Variants in DESI2 observed in about 807,000 individuals in gnomAD.
DESI2 encodes the protein desumoylating isopeptidase 2, also known as deubiquitinase DESI2.
DESI2 carries 10 observed loss-of-function variants against 24.1 expected under a neutral mutation model. The ratio of observed to expected loss-of-function variants is 0.41; its 90% CI spans 0.26 to 0.70. The LOEUF is 0.70. DESI2 is among the 30% of genes least tolerant of loss of function. DESI2 has a pLI of 0.29. For missense variants in DESI2, 122 were observed against 234.9 expected (o/e 0.52, Z 3.14); for synonymous variants, 71 against 87.7 (o/e 0.81, Z 1.06).
chr1:244,692,401 G>A (rs1056578699), intron 4 of DESI2, among the ~76,000 whole-genome samples: 6 of 151,650 alleles, frequency 4.0e-5, no homozygotes, highest in African/African-American at 1.2e-4. Flanking sequence ...TAAGTAATTC[G>A]TGTCTTCCAT....
chr1:244,689,230 A>C lies in DESI2; in HGVS notation c.116-19A>C. 1 of 1,286,782 alleles carries C rather than the reference A, an allele frequency of 7.8e-7. No individual in the cohort carries two copies. The highest frequency in any genetic ancestry group is 2.3e-5 in the East Asian group (1 of 43,282). 79.7% of individuals were successfully genotyped at this position (1,286,782 alleles called of 1,614,324 possible). A position where few individuals can be genotyped will look rare whatever the true frequency, so the allele number is the denominator to read the frequency against. On this transcript the variant is annotated intron_variant, in intron 2 of 4. Transcript: ENST00000302550. The surrounding 1 kb of genome is among the most constrained non-coding windows in gnomAD (Gnocchi z 4.0). The stretch of plus-strand genomic sequence containing the variant: ...TTTTATGTGATACATACTAAAAATC[A>C]TGAGTTTTCTCTTTTCAGAATTTGC...
chr1:244,658,792 G>T (rs138077795), intron 1 of DESI2, among the ~76,000 whole-genome samples: 1 of 152,170 alleles, frequency 6.6e-6, no homozygotes, highest in Non-Finnish European at 1.5e-5. Context: ...TTGGACTAGG[G>T]TGTCCAGATG....
chr1:244,655,600 C>A (rs1263753715), intron 1 of DESI2, among the ~76,000 whole-genome samples: 1 of 152,098 alleles, frequency 6.6e-6, no homozygotes, highest in Admixed American at 6.5e-5. Flanking sequence ...GGCAACAATT[C>A]AAGACAGAAT....
chr1:244,653,898 C>G (rs1031548396), intron 1 of DESI2: 1 of 470,844 alleles, frequency 2.1e-6, no homozygotes, highest in Non-Finnish European at 4.4e-6. Context: ...CACACCCTTT[C>G]CTTGTGTGTT....
intron 1 of DESI2, among the ~76,000 whole-genome samples, chr1:244,682,697 C>T (rs966589757): frequency 3.3e-5 from 5 of 152,108 alleles, no homozygotes; most frequent in African/African-American, 7.2e-5. Context: ...ATAAAAGCCA[C>T]GCAGACAATT....
Position 244,709,005 on chromosome 1 carries a change from GATTT to G in DESI2, c.*3220_*3223del, listed in dbSNP as rs1487098971. The G allele has an allele frequency of 7.9e-5, 12 of 152,382 alleles. No individual in the cohort carries two copies. The highest frequency in any genetic ancestry group is 2.1e-4 in the South Asian group (1 of 4,828). The allele number at this position is 152,382 out of a possible 1,614,324, so 9.4% of individuals were successfully genotyped here. A position where few individuals can be genotyped will look rare whatever the true frequency, so the allele number is the denominator to read the frequency against. On this transcript the variant is annotated 3_prime_UTR_variant, in exon 5 of 5. Coordinates refer to ENST00000302550, the MANE Select transcript of DESI2 (RefSeq NM_016076.5). ...TCATGTTACAACATTGAAATACATTGATTTATTAAAAAATACTTTTATAAGAAAT... is the reference window on the plus strand; with the variant it reads ...TCATGTTACAACATTGAAATACATTGATTAAAAAATACTTTTATAAGAAAT...
chr1:244,699,101 G>A (rs1054125710), intron 4 of DESI2, among the ~76,000 whole-genome samples: 7 of 152,166 alleles, frequency 4.6e-5, no homozygotes, highest in Non-Finnish European at 7.3e-5. Flanking sequence ...ACACACCTTA[G>A]TAAGGCAGTT....
rs1677774705 is a variant in DESI2, at chr1:244,707,919, GC to G, written c.*2132del. On this transcript the variant is annotated 3_prime_UTR_variant, in exon 5 of 5. Transcript: ENST00000302550. ...GTTCTAGTAGAAATAGTGTCCTAAGGCCAATTACCTACCATACTAACAATCA... is the reference window on the plus strand; with the variant it reads ...GTTCTAGTAGAAATAGTGTCCTAAGGCAATTACCTACCATACTAACAATCA... The G allele has an allele frequency of 6.6e-6, 1 of 152,174 alleles. No individual in the cohort carries two copies. Among genetic ancestry groups the G allele is most frequent in the Non-Finnish European group, 1.5e-5 (1 of 68,028 alleles). 9.4% of individuals were successfully genotyped at this position (152,174 alleles called of 1,614,324 possible).
Position 244,708,910 on chromosome 1 carries a change from G to C in DESI2, c.*3121G>C, listed in dbSNP as rs1277641648. 3 of 152,532 alleles carry C rather than the reference G, an allele frequency of 2.0e-5. No individual in the cohort carries two copies. Among genetic ancestry groups the C allele is most frequent in the Non-Finnish European group, 4.4e-5 (3 of 68,030 alleles). 9.4% of individuals were successfully genotyped at this position (152,532 alleles called of 1,614,324 possible). On this transcript the variant is annotated 3_prime_UTR_variant, in exon 5 of 5. Transcript: ENST00000302550. ...TTGTGAAGTTGAATGCAAGTGTACT[G>C]TCATTCATAGTGTTTATATCAAAAT... is the stretch of plus-strand genomic sequence containing the variant.
intron 4 of DESI2, among the ~76,000 whole-genome samples, chr1:244,702,966 G>A (rs1433771760): frequency 6.6e-6 from 1 of 150,426 alleles, no homozygotes; most frequent in African/African-American, 2.5e-5. Context: ...TATGTCCCAG[G>A]TGTAAAGTAC....
intron 1 of DESI2, among the ~76,000 whole-genome samples, chr1:244,678,041 C>CT (rs1447555498): frequency 1.3e-5 from 2 of 152,148 alleles, no homozygotes; most frequent in Non-Finnish European, 2.9e-5. Flanking sequence ...AACTTGTGGG[C>CT]TTTGTATAAT....
intron 1 of DESI2, among the ~76,000 whole-genome samples, chr1:244,654,394 A>C (rs1159926393): frequency 1.3e-5 from 2 of 152,224 alleles, no homozygotes; most frequent in African/African-American, 4.8e-5. Flanking sequence ...AGAGTCTTAT[A>C]CAGTTCTAAA....
At chr1:244,705,501 G>T in intron 4 of DESI2, 55 bp from the exon 5 acceptor site, 1 of 1,489,382 alleles carries the variant, frequency 6.7e-7, no homozygotes, top group African/African-American at 1.4e-5. Flanking sequence ...CCCTGGCAGT[G>T]GACCAGGTAA....
At chr1:244,700,944 A>G (rs1384679651) in intron 4 of DESI2, among the ~76,000 whole-genome samples, 3 of 152,308 alleles carry the variant, frequency 2.0e-5, no homozygotes, top group Admixed American at 1.3e-4. Flanking sequence ...TTTACAGTTA[A>G]TTGGAATTTA....
At chr1:244,654,071 T>C (rs1675563654) in intron 1 of DESI2, 1 of 468,786 alleles carries the variant, frequency 2.1e-6, no homozygotes, top group African/African-American at 2.0e-5. Context: ...AGGGAAGAAG[T>C]TGTTTATTGT....
intron 4 of DESI2, among the ~76,000 whole-genome samples, chr1:244,694,003 T>C (rs1444745171): frequency 1.3e-5 from 2 of 152,240 alleles, no homozygotes; most frequent in Non-Finnish European, 2.9e-5. Flanking sequence ...TGAAGTTTAG[T>C]AAAACTGGTA....
At chr1:244,681,411 C>G (rs1014238340) in intron 1 of DESI2, among the ~76,000 whole-genome samples, 6 of 151,978 alleles carry the variant, frequency 3.9e-5, no homozygotes, top group Admixed American at 1.3e-4. Flanking sequence ...CTCACTTGCT[C>G]TCTACTAGAG....
chr1:244,659,918 C>T (rs1282630368), intron 1 of DESI2, among the ~76,000 whole-genome samples: 2 of 152,116 alleles, frequency 1.3e-5, no homozygotes. Flanking sequence ...GTAACTTAAG[C>T]TGGAAAATTT....
At chr1:244,703,174 G>A (rs919947684) in intron 4 of DESI2, among the ~76,000 whole-genome samples, 24 of 151,738 alleles carry the variant, frequency 1.6e-4, no homozygotes, top group African/African-American at 5.8e-4. Flanking sequence ...GCTAATTTTT[G>A]TATTTTTAGT....
Sources: allele counts gnomAD v4.1 joint callset (sites outside exome capture counted in the v4.1 genomes callset), GRCh38; gene constraint gnomAD v4.1.1; non-coding constraint Gnocchi (gnomAD v3.1); transcripts MANE v1.5; gene names NCBI Gene and HGNC (gene_info 2026-07-23, HGNC 2026-07-21).